BTBD7: variants seen among roughly 807,000 people sequenced by gnomAD.
BTBD7 encodes BTB domain containing 7.
Under a neutral mutation model 99.9 loss-of-function variants are expected in BTBD7, and 38 were observed. That is an observed-to-expected ratio of 0.38 (90% CI 0.29 to 0.50). The LOEUF (loss-of-function observed/expected upper bound fraction) is 0.50. Ranked by LOEUF, BTBD7 falls within the 20% of genes least tolerant of loss-of-function variation. The probability of loss-of-function intolerance (pLI) is 0.93; values close to 1 mark genes in which losing one functional copy is unlikely to be tolerated. For synonymous variants in BTBD7, 520 were observed against 511.4 expected (o/e 1.02, Z -0.23); for missense variants, 1,170 against 1,394.6 (o/e 0.84, Z 2.57).
intron 1 of BTBD7, among the ~76,000 whole-genome samples, chr14:93,313,272 C>T (rs2053159161): frequency 6.6e-6 from 1 of 152,130 alleles, no homozygotes; most frequent in Non-Finnish European, 1.5e-5. Context: ...CTTATCCACC[C>T]ACCACCAAAA....
chr14:93,295,366 G>A (rs2052912913), intron 2 of BTBD7, among the ~76,000 whole-genome samples: 1 of 152,154 alleles, frequency 6.6e-6, no homozygotes, highest in South Asian at 2.1e-4. Flanking sequence ...CTGGCCTCAT[G>A]CAATCTTCCT....
chr14:93,266,313 C>T (rs749529915), intron 3 of BTBD7, among the ~76,000 whole-genome samples: 12 of 152,068 alleles, frequency 7.9e-5, no homozygotes, highest in Middle Eastern at 3.4e-3. Flanking sequence ...TTCTGGGCCC[C>T]GTGGGTCAGT....
At chr14:93,328,374 G>A (rs1422713901) in intron 1 of BTBD7, among the ~76,000 whole-genome samples, 5 of 152,028 alleles carry the variant, frequency 3.3e-5, no homozygotes, top group African/African-American at 9.7e-5. Context: ...TAAAACTACA[G>A]TAATTAAAAT....
chr14:93,239,575 C>T lies in BTBD7; in HGVS notation c.*2698G>A, dbSNP rs372600054. 4.6e-5 allele frequency: 7 copies of T among 152,412 alleles called. No homozygotes were observed. Among genetic ancestry groups the T allele is most frequent in the African/African-American group, 1.7e-4 (7 of 41,434 alleles). 9.4% of individuals were successfully genotyped at this position (152,412 alleles called of 1,614,324 possible). On this transcript the variant is annotated 3_prime_UTR_variant, in exon 11 of 11. Transcript: ENST00000334746. ...GTAGCTCTTGAACCTACCCTAGTAA[C>T]CATACTTCACAAGATACATTAAAAG...
chr14:93,248,079 A>T (rs1469084386), intron 9 of BTBD7, among the ~76,000 whole-genome samples: 1 of 152,220 alleles, frequency 6.6e-6, no homozygotes. Flanking sequence ...GGGCATGCAC[A>T]CTGTGGAATT....
At chr14:93,316,275 T>A (rs985773392) in intron 1 of BTBD7, among the ~76,000 whole-genome samples, 9 of 151,578 alleles carry the variant, frequency 5.9e-5, no homozygotes, top group South Asian at 4.2e-4. Context: ...TAATTTTTTT[T>A]AAAAAATAGA....
rs1303424786 is a variant in BTBD7 at position 93,245,866 on chromosome 14, T to C, written c.2542A>G (p.Thr848Ala). 1 of 1,613,860 alleles carries C rather than the reference T, an allele frequency of 6.2e-7. No homozygotes were observed. The highest frequency in any genetic ancestry group is 8.5e-7 in the Non-Finnish European group (1 of 1,179,898). Residue 848 changes from threonine to alanine, a missense_variant, in exon 10 of 11, where the codon ACA (threonine) becomes GCA (alanine). Physicochemically the swap from Thr to Ala is moderately conservative, Grantham distance 58 (BLOSUM62 0). This residue lies in a region of BTBD7 where 495 missense variants were observed against 525.9 expected (regional missense o/e 0.94). Coordinates refer to ENST00000334746, the MANE Select transcript of BTBD7 (RefSeq NM_001002860.4). Reference protein sequence around the residue: ...VAAAAATTTSTATAAAAAASE... With the variant: ...VAAAAATTTSAATAAAAAASE... ...GCTGCTGCTGCTGCTGCTGTTGCTG[T>C]TGAGGTGGTGGTGGCGGCAGCAGCA...
At chr14:93,270,241 G>A (rs927182449) in intron 3 of BTBD7, among the ~76,000 whole-genome samples, 4 of 151,982 alleles carry the variant, frequency 2.6e-5, no homozygotes, top group Admixed American at 2.6e-4. Context: ...GATTACAGGC[G>A]CCTGCCACAA....
At chr14:93,243,120 T>TA (rs1464621305) in intron 10 of BTBD7, 32 bp from the exon 11 acceptor site, 12 of 1,557,184 alleles carry the variant, frequency 7.7e-6, no homozygotes, top group Admixed American at 1.8e-5. Context: ...GTGGGAGGGT[T>TA]AAAAAAAGGA....
At position 93,240,445 on chromosome 14, in the gene BTBD7, C is replaced by A. The variant is rs2052211798; in HGVS notation, c.*1828G>T. The A allele has an allele frequency of 1.3e-5, 2 of 152,630 alleles. No homozygotes were observed. The highest frequency in any genetic ancestry group is 6.5e-5 in the Admixed American group (1 of 15,286). 9.5% of individuals were successfully genotyped at this position (152,630 alleles called of 1,614,324 possible). A position where few individuals can be genotyped will look rare whatever the true frequency, so the allele number is the denominator to read the frequency against. On this transcript the variant is annotated 3_prime_UTR_variant, in exon 11 of 11. Coordinates refer to ENST00000334746, the MANE Select transcript of BTBD7 (RefSeq NM_001002860.4). ...AGCGTTGTTGACACCCAATAGAAAA[C>A]CTATTTACTTCAAAGTGCATGTAAT...
At chr14:93,261,314 T>C (rs551343381) in intron 5 of BTBD7, among the ~76,000 whole-genome samples, 9 of 152,372 alleles carry the variant, frequency 5.9e-5, no homozygotes, top group African/African-American at 2.2e-4. Context: ...TATGAAATTA[T>C]ATGAAATTTT....
chr14:93,264,030 T>A, intron 3 of BTBD7, 37 bp from the exon 4 acceptor site: 1 of 1,559,664 alleles, frequency 6.4e-7, no homozygotes, highest in Non-Finnish European at 8.8e-7. Context: ...AGATTAATCA[T>A]AAATATTACT....
chr14:93,329,758 C>G (rs991001357), intron 1 of BTBD7, among the ~76,000 whole-genome samples: 1 of 152,060 alleles, frequency 6.6e-6, no homozygotes, highest in East Asian at 1.9e-4. Context: ...ATAAAAGAGA[C>G]AGTAGAACTG....
intron 7 of BTBD7, among the ~76,000 whole-genome samples, chr14:93,253,014 A>G (rs886824652): frequency 6.6e-6 from 1 of 152,072 alleles, no homozygotes; most frequent in African/African-American, 2.4e-5. Context: ...TTTTTGGTAG[A>G]GTTGGGGTTT....
chr14:93,256,223 T>C (rs1040271567), intron 6 of BTBD7: 5 of 152,210 alleles, frequency 3.3e-5, no homozygotes, highest in Admixed American at 3.3e-4. Flanking sequence ...AGCACCACAT[T>C]GACTTGTGAT....
At chr14:93,257,591 AAAG>A (rs1249483086) in intron 5 of BTBD7, among the ~76,000 whole-genome samples, 1 of 152,390 alleles carries the variant, frequency 6.6e-6, no homozygotes, top group African/African-American at 2.4e-5. Flanking sequence ...GCTCTGCAAT[AAAG>A]AATAAAGGAT....
chr14:93,246,016 T>C lies in BTBD7; in HGVS notation c.2392A>G (p.Asn798Asp), dbSNP rs372008556. 79 of 1,613,496 alleles carry C rather than the reference T, an allele frequency of 4.9e-5. No homozygotes were observed. Among genetic ancestry groups the C allele is most frequent in the Non-Finnish European group, 5.7e-5 (67 of 1,180,000 alleles). ...GTTCTGGAGTGGAACAGCGAATGAT[T>C]ACAGGGATAAGAAAATGAACGTGAA... ...HPSRSFSYPC[N>D]HSLFHSRTAP... is the part of the protein sequence containing the mutation. Residue 798 changes from asparagine to aspartate, a missense_variant, in exon 10 of 11, where the codon AAT (asparagine) becomes GAT (aspartate). By Grantham distance (23) the Asn-to-Asp change is conservative. Coordinates refer to ENST00000334746, the MANE Select transcript of BTBD7 (RefSeq NM_001002860.4).
intron 10 of BTBD7, among the ~76,000 whole-genome samples, chr14:93,244,529 A>G (rs2052279352): frequency 6.6e-6 from 1 of 152,106 alleles, no homozygotes; most frequent in African/African-American, 2.4e-5. Flanking sequence ...CGTGCCTGTA[A>G]TCCCAGCTAC....
At chr14:93,326,120 G>A (rs2053328126) in intron 1 of BTBD7, among the ~76,000 whole-genome samples, 1 of 152,172 alleles carries the variant, frequency 6.6e-6, no homozygotes, top group Non-Finnish European at 1.5e-5. Flanking sequence ...AGTGCTGAAT[G>A]TTCAAATTTC....
Sources: allele counts gnomAD v4.1 joint callset (sites outside exome capture counted in the v4.1 genomes callset), GRCh38; gene constraint gnomAD v4.1.1; regional missense constraint gnomAD v4.1.1; transcripts MANE v1.5; gene names NCBI Gene and HGNC (gene_info 2026-07-23, HGNC 2026-07-21).